The following OPN5 variants were observed in gnomAD, a reference collection of about 807,000 sequenced individuals.
The protein encoded by OPN5 is opsin-5.
Under a neutral mutation model 41.7 loss-of-function variants are expected in OPN5, and 18 were observed. The observed-to-expected ratio is 0.43, with a 90% CI of 0.30 to 0.64. OPN5 has a LOEUF of 0.64. Among genes scored for constraint, OPN5 ranks in the 30% least tolerant of loss-of-function variants. The pLI, the probability that OPN5 is intolerant of heterozygous loss-of-function variation, is 0.13. For missense variants in OPN5, 318 were observed against 434.5 expected, an observed-to-expected ratio of 0.73 and a Z score of 2.38; for synonymous variants, 178 against 164.3, an observed-to-expected ratio of 1.08 and a Z score of -0.64.
intron 2 of OPN5, among the ~76,000 whole-genome samples, chr6:47,791,287 T>C (rs997336130): frequency 1.0e-5 from 1 of 99,674 alleles, no homozygotes; most frequent in Non-Finnish European, 2.1e-5. Context: ...AAACTTAACA[T>C]CTATTTCTGG....
intron 5 of OPN5, 81 bp from the exon 6 acceptor site, chr6:47,811,593 C>T: frequency 1.3e-6 from 1 of 771,528 alleles, no homozygotes; most frequent in Admixed American, 1.9e-5. Flanking sequence ...TTGACATATA[C>T]ATATGTATGT....
chr6:47,783,911 T>A (rs1420690638), intron 1 of OPN5, among the ~76,000 whole-genome samples: 1 of 152,122 alleles, frequency 6.6e-6, no homozygotes. Flanking sequence ...GACAAATCTC[T>A]CCAGACAACA....
chr6:47,801,337 TC>T (rs564650069), intron 4 of OPN5, among the ~76,000 whole-genome samples: 4 of 152,266 alleles, frequency 2.6e-5, no homozygotes, highest in Non-Finnish European at 5.9e-5. Context: ...GGCCTCTGTT[TC>T]TTTTATACCT....
rs1363402346 is a variant in OPN5 at position 47,819,336 on chromosome 6, A to AATATAT, written c.1057-4635_1057-4630dup. ...TCTCTAAGTAATTCTGAAAATTAGG[A>AATATAT]ATATATATATATATATAAAAAATAT... On this transcript the variant is annotated intron_variant, in intron 6 of 6. Transcript: ENST00000371211. 2.1e-3 allele frequency among the ~76,000 whole-genome samples: 50 copies of AATATAT among 24,312 alleles called. 1 individual carries two copies. Among genetic ancestry groups the AATATAT allele is most frequent in the African/African-American group, 6.9e-3 (49 of 7,144 alleles). 15.9% of individuals were successfully genotyped at this position (24,312 alleles called of 152,430 possible). A position where few individuals can be genotyped will look rare whatever the true frequency, so the allele number is the denominator to read the frequency against.
chr6:47,785,241 T>G (rs1173606552), intron 1 of OPN5, among the ~76,000 whole-genome samples: 1 of 152,232 alleles, frequency 6.6e-6, no homozygotes, highest in Non-Finnish European at 1.5e-5. Context: ...CATTTTGCTT[T>G]CCTAGCTGGT....
intron 1 of OPN5, among the ~76,000 whole-genome samples, chr6:47,784,442 G>A (rs1271189496): frequency 6.6e-6 from 1 of 152,136 alleles, no homozygotes; most frequent in Non-Finnish European, 1.5e-5. Context: ...GGCTACAGGT[G>A]TGCACCACCA....
chr6:47,787,833 G>T (rs1773238261), intron 2 of OPN5, among the ~76,000 whole-genome samples: 2 of 152,088 alleles, frequency 1.3e-5, no homozygotes, highest in African/African-American at 4.8e-5. Flanking sequence ...GGAGTTCAAG[G>T]TTGCAGTGAG....
chr6:47,796,227 C>T (rs888082497), intron 4 of OPN5, among the ~76,000 whole-genome samples: 2 of 152,094 alleles, frequency 1.3e-5, no homozygotes, highest in East Asian at 3.8e-4. Context: ...TTCTTGAATC[C>T]CTATTTCCTC....
At chr6:47,817,322 A>G (rs1218388806) in intron 6 of OPN5, among the ~76,000 whole-genome samples, 1 of 152,154 alleles carries the variant, frequency 6.6e-6, no homozygotes, top group Non-Finnish European at 1.5e-5. Flanking sequence ...TCTGGAATAC[A>G]GGCAGAAACA....
At chr6:47,803,455 G>T (rs1773850194) in intron 4 of OPN5, among the ~76,000 whole-genome samples, 1 of 152,152 alleles carries the variant, frequency 6.6e-6, no homozygotes, top group Admixed American at 6.5e-5. Context: ...TGTCAATTGT[G>T]CTGTCTCCTG....
chr6:47,819,401 A>ATATATATAT (rs1561907392), intron 6 of OPN5, among the ~76,000 whole-genome samples: 3 of 108,442 alleles, frequency 2.8e-5, no homozygotes, highest in Non-Finnish European at 3.9e-5. Context: ...TATATATATA[A>ATATATATAT]AACAGTATAA....
chr6:47,790,863 C>A (rs1773348255), intron 2 of OPN5, among the ~76,000 whole-genome samples: 1 of 152,120 alleles, frequency 6.6e-6, no homozygotes, highest in Non-Finnish European at 1.5e-5. Context: ...TTCATAGACA[C>A]TTAACTCCTA....
intron 4 of OPN5, among the ~76,000 whole-genome samples, chr6:47,795,772 TCTCTCTCA>T: frequency 9.3e-6 from 1 of 107,624 alleles, no homozygotes; most frequent in Non-Finnish European, 1.9e-5. Flanking sequence ...TCTCTCTCTC[TCTCTCTCA>T]CACACACACA....
At chr6:47,808,279 T>C in exon 5 of OPN5, 1 of 1,614,090 alleles carries the variant, frequency 6.2e-7, no homozygotes, top group Non-Finnish European at 8.5e-7. Flanking sequence ...CAACCCTACT[T>C]GCAAAATCTG....
exon 2 of OPN5, chr6:47,786,586 G>A (rs1370710652): frequency 5.0e-6 from 8 of 1,611,654 alleles, no homozygotes; most frequent in East Asian, 2.2e-5. Flanking sequence ...GCTGAGACCC[G>A]CTGAAATAAT....
At chr6:47,807,309 T>C (rs1423070646) in intron 4 of OPN5, among the ~76,000 whole-genome samples, 1 of 152,186 alleles carries the variant, frequency 6.6e-6, no homozygotes, top group Non-Finnish European at 1.5e-5. Flanking sequence ...CCCACAGCCC[T>C]AGGCATAGGG....
chr6:47,790,012 G>T (rs1023974001), intron 2 of OPN5, among the ~76,000 whole-genome samples: 1 of 151,882 alleles, frequency 6.6e-6, no homozygotes, highest in South Asian at 2.1e-4. Context: ...TTCTAATGGA[G>T]GGTCAAGGAA....
At chr6:47,784,308 T>A (rs1481963877) in intron 1 of OPN5, among the ~76,000 whole-genome samples, 5 of 149,812 alleles carry the variant, frequency 3.3e-5, no homozygotes, top group Non-Finnish European at 6.0e-5. Flanking sequence ...GATTCCTTTT[T>A]TTTTTGGACA....
At chr6:47,822,920 G>A (rs541751588) in intron 6 of OPN5, among the ~76,000 whole-genome samples, 97 of 152,280 alleles carry the variant, frequency 6.4e-4, no homozygotes, top group African/African-American at 2.2e-3. Flanking sequence ...ATCCAAAAGT[G>A]GGATAAGACT....
Sources: gnomAD v4.1 joint callset for allele counts (sites outside exome capture counted in the v4.1 genomes callset) on GRCh38, gnomAD v4.1.1 for gene constraint, MANE v1.5 for transcripts, NCBI Gene and HGNC (gene_info 2026-07-23, HGNC 2026-07-21) for gene names.